Variants in IPCEF1 observed in about 807,000 individuals in gnomAD.
The protein encoded by IPCEF1 is interactor protein for cytohesin exchange factors 1.
In IPCEF1, 31 loss-of-function variants were observed where a neutral mutation model predicts 50.9. The ratio of observed to expected loss-of-function variants is 0.61; its 90% CI spans 0.46 to 0.82. The LOEUF (loss-of-function observed/expected upper bound fraction) is 0.82. Among genes scored for constraint, IPCEF1 ranks in the 40% least tolerant of loss-of-function variants. The pLI, the probability that IPCEF1 is intolerant of heterozygous loss-of-function variation, is 0.00. For missense variants in IPCEF1, 458 were observed against 514.0 expected (o/e 0.89, Z 1.05); for synonymous variants, 181 against 192.0 (o/e 0.94, Z 0.47).
intron 10 of IPCEF1, among the ~76,000 whole-genome samples, chr6:154,185,062 T>C (rs1438722881): frequency 6.6e-6 from 1 of 152,220 alleles, no homozygotes; most frequent in Non-Finnish European, 1.5e-5. Context: ...TCCTGCTACA[T>C]GGCATGACTA....
intron 2 of IPCEF1, among the ~76,000 whole-genome samples, chr6:154,269,018 A>C (rs1349095775): frequency 6.6e-6 from 1 of 152,154 alleles, no homozygotes; most frequent in Non-Finnish European, 1.5e-5. Flanking sequence ...GTCCTTTAAC[A>C]TCTGACTCTC....
intron 1 of IPCEF1, among the ~76,000 whole-genome samples, chr6:154,297,927 C>T (rs991863678): frequency 6.6e-6 from 1 of 152,162 alleles, no homozygotes; most frequent in African/African-American, 2.4e-5. Flanking sequence ...TCTAATGAGC[C>T]GCAGTGCTCT....
chr6:154,240,331 G>A (rs541690608), intron 5 of IPCEF1, among the ~76,000 whole-genome samples: 1 of 152,206 alleles, frequency 6.6e-6, no homozygotes, highest in South Asian at 2.1e-4. Context: ...TGTTGTAGCT[G>A]GGGGAGAAAG....
intron 7 of IPCEF1, among the ~76,000 whole-genome samples, chr6:154,215,730 T>C (rs868201801): frequency 6.6e-6 from 1 of 152,176 alleles, no homozygotes; most frequent in Non-Finnish European, 1.5e-5. Flanking sequence ...AACTCCTTAG[T>C]AGCCACTTAA....
chr6:154,262,197 G>A lies in IPCEF1; in HGVS notation c.36+3715C>T, dbSNP rs990502655. Among the ~76,000 whole-genome samples the A allele has an allele frequency of 2.6e-5, 4 of 152,228 alleles. No homozygotes were observed. In the South Asian group the frequency reaches 8.3e-4, roughly 32 times the overall value. On this transcript the variant is annotated intron_variant, in intron 3 of 11. Coordinates refer to ENST00000367220, the MANE Select transcript of IPCEF1 (RefSeq NM_001130700.2). ...GAGGAGAGCTGGCTGATTGACTCTA[G>A]GAGTGGAGATGGCTCATGAAATGAG...
chr6:154,301,165 T>G (rs945773771), intron 1 of IPCEF1, among the ~76,000 whole-genome samples: 1 of 151,980 alleles, frequency 6.6e-6, no homozygotes, highest in Non-Finnish European at 1.5e-5. Context: ...TGTTTAGATT[T>G]TCCAGGTTAA....
chr6:154,218,598 A>G (rs1199631697), intron 7 of IPCEF1, among the ~76,000 whole-genome samples: 1 of 152,238 alleles, frequency 6.6e-6, no homozygotes, highest in Non-Finnish European at 1.5e-5. Flanking sequence ...TGCATCAGTA[A>G]GAAGGGAAGT....
chr6:154,197,413 A>G (rs1776703131), intron 10 of IPCEF1, among the ~76,000 whole-genome samples: 1 of 152,250 alleles, frequency 6.6e-6, no homozygotes, highest in African/African-American at 2.4e-5. Flanking sequence ...AATCCCCAGC[A>G]GCAGAAGAAA....
chr6:154,302,535 C>CA (rs1478841678), intron 1 of IPCEF1, among the ~76,000 whole-genome samples: 1 of 152,154 alleles, frequency 6.6e-6, no homozygotes, highest in East Asian at 1.9e-4. Context: ...AGTGCAGTGG[C>CA]ATGAGCTCAG....
intron 1 of IPCEF1, among the ~76,000 whole-genome samples, chr6:154,290,143 G>A (rs1320669127): frequency 1.3e-5 from 2 of 152,160 alleles, no homozygotes; most frequent in Non-Finnish European, 2.9e-5. Context: ...CTCAGGAGAT[G>A]GCGAATGGGC....
At chr6:154,233,762 T>G (rs1169713039) in intron 5 of IPCEF1, among the ~76,000 whole-genome samples, 1 of 152,190 alleles carries the variant, frequency 6.6e-6, no homozygotes, top group Non-Finnish European at 1.5e-5. Context: ...CAGGGCACAC[T>G]GGCAAGACTT....
rs1455040795 is a variant in IPCEF1, at chr6:154,209,672, A to T, written c.537+3098T>A. ...AAAAAAAAAAAAAAAGTTACTATAT[A>T]TTTTTTTTATTTCATCTGTTTAAAT... On this transcript the variant is annotated intron_variant, in intron 9 of 11. Transcript: ENST00000367220. 4.6e-5 allele frequency among the ~76,000 whole-genome samples: 7 copies of T among 150,970 alleles called. No homozygotes were observed. In the South Asian group the frequency reaches 1.0e-3, roughly 23 times the overall value.
chr6:154,271,882 G>C (rs1781910381), intron 2 of IPCEF1, among the ~76,000 whole-genome samples: 1 of 152,168 alleles, frequency 6.6e-6, no homozygotes, highest in Non-Finnish European at 1.5e-5. Context: ...AGCTACTCAG[G>C]AGGCTAAGGT....
At chr6:154,289,889 C>G (rs961464100) in intron 1 of IPCEF1, 133 bp from the exon 2 acceptor site, 29 of 151,828 alleles carry the variant, frequency 1.9e-4, no homozygotes, top group African/African-American at 6.5e-4. Flanking sequence ...AGCAACAGAA[C>G]AGTAAGTTGA....
chr6:154,317,107 A>C (rs1206977481), intron 1 of IPCEF1, among the ~76,000 whole-genome samples: 1 of 152,198 alleles, frequency 6.6e-6, no homozygotes, highest in East Asian at 1.9e-4. Context: ...AAAGAAAAAA[A>C]TTCTAATCAC....
chr6:154,268,702 G>A (rs979031370), intron 2 of IPCEF1, among the ~76,000 whole-genome samples: 3 of 151,630 alleles, frequency 2.0e-5, no homozygotes, highest in East Asian at 1.9e-4. Context: ...CCTCATCTCC[G>A]GCCCTTCCTT....
intron 7 of IPCEF1, chr6:154,216,954 A>G: frequency 6.1e-6 from 1 of 163,156 alleles, no homozygotes; most frequent in Non-Finnish European, 1.4e-5. Flanking sequence ...CACCTGACCC[A>G]AAAAACCCCA....
rs71021036 is a variant in IPCEF1, at chr6:154,273,724, CTTTTTTTTTTTTTTTTTTTTTTTTTTTT to C, written c.-17-7788_-17-7761del. 1.1e-3 allele frequency among the ~76,000 whole-genome samples: 67 copies of C among 63,330 alleles called. 2 individuals carry two copies. Among genetic ancestry groups the C allele is most frequent in the Non-Finnish European group, 1.8e-3 (58 of 31,574 alleles). 41.5% of individuals were successfully genotyped at this position (63,330 alleles called of 152,430 possible). On this transcript the variant is annotated intron_variant, in intron 2 of 11. Transcript: ENST00000367220. ...TCTTTTTTTCTTTCTTTCTTTCTTT[CTTTTTTTTTTTTTTTTTTTTTTTTTTTT>C]TTTTTTTTTTTTTTTTTTTGAGGCA...
chr6:154,224,466 G>A (rs1269538978), intron 5 of IPCEF1, among the ~76,000 whole-genome samples: 1 of 152,118 alleles, frequency 6.6e-6, no homozygotes, highest in Non-Finnish European at 1.5e-5. Flanking sequence ...CCAGCACTTT[G>A]GGAGGCTGAG....
Sources: gnomAD v4.1 joint callset for allele counts (sites outside exome capture counted in the v4.1 genomes callset) on GRCh38, gnomAD v4.1.1 for gene constraint, MANE v1.5 for transcripts, NCBI Gene and HGNC (gene_info 2026-07-23, HGNC 2026-07-21) for gene names.